HERC4: variants seen among roughly 807,000 people sequenced by gnomAD.
HERC4 encodes the protein HECT and RLD domain containing E3 ubiquitin protein ligase 4, also known as probable E3 ubiquitin-protein ligase HERC4.
In HERC4, 28 loss-of-function variants were observed where a neutral mutation model predicts 124.3. The observed-to-expected ratio is 0.23, with a 90% CI of 0.17 to 0.31. The LOEUF is 0.31. HERC4 is among the 10% of genes least tolerant of loss of function. The pLI is 1.00. For synonymous variants in HERC4, 407 were observed against 421.5 expected, an observed-to-expected ratio of 0.97 and a Z score of 0.42; for missense variants, 713 against 1,229.3, an observed-to-expected ratio of 0.58 and a Z score of 6.28.
rs151270005 is a variant in HERC4 at position 68,022,017 on chromosome 10, G to T, written c.908+3529C>A. Among the ~76,000 whole-genome samples, 5 of 151,998 alleles carry T rather than the reference G, an allele frequency of 3.3e-5. No homozygotes were observed. In the East Asian group the frequency reaches 9.7e-4, roughly 29 times the overall value. ...TACATTAACAATGAACAATTTGGAAGGAAATAAAATTTTATTTAAAACCTA... is the reference window on the plus strand; with the variant it reads ...TACATTAACAATGAACAATTTGGAATGAAATAAAATTTTATTTAAAACCTA... On this transcript the variant is annotated intron_variant, in intron 8 of 24. Coordinates refer to ENST00000373700, the MANE Select transcript of HERC4 (RefSeq NM_015601.4).
At chr10:67,926,788 G>T (rs1374542316) in intron 23 of HERC4, among the ~76,000 whole-genome samples, 1 of 152,196 alleles carries the variant, frequency 6.6e-6, no homozygotes, top group Non-Finnish European at 1.5e-5. Flanking sequence ...GGCGTTCCCA[G>T]ATTCATCTAG....
intron 9 of HERC4, among the ~76,000 whole-genome samples, chr10:68,009,543 T>A (rs1170092984): frequency 6.6e-6 from 1 of 152,224 alleles, no homozygotes; most frequent in African/African-American, 2.4e-5. Flanking sequence ...AGTCTTAAAC[T>A]TTTTGTTGAT....
chr10:67,992,512 T>C lies in HERC4; in HGVS notation c.1146+94A>G, dbSNP rs1336573819. On this transcript the variant is annotated intron_variant, in intron 10 of 24. Coordinates refer to ENST00000373700, the MANE Select transcript of HERC4 (RefSeq NM_015601.4). Reference sequence around the variant, plus strand: ...TTAAGGGGAAAAAAACTAAGGCAATTACTTTGTAACATATAAAGAACATTA... The same window carrying C: ...TTAAGGGGAAAAAAACTAAGGCAATCACTTTGTAACATATAAAGAACATTA... 3.8e-6 allele frequency: 4 copies of C among 1,053,442 alleles called. No homozygotes were observed. In the South Asian group the frequency reaches 6.0e-5, roughly 16 times the overall value. 65.3% of individuals were successfully genotyped at this position (1,053,442 alleles called of 1,614,324 possible).
chr10:67,956,431 A>G (rs2034146438), intron 17 of HERC4: 1 of 152,586 alleles, frequency 6.6e-6, no homozygotes, highest in Non-Finnish European at 1.5e-5. Context: ...TATTATTGAA[A>G]CTTTCTTCAA....
In HERC4 at chr10:67,923,127, C is replaced by T; in HGVS notation, c.2954G>A (p.Gly985Asp). Residue 985 changes from glycine (G) to aspartate (D), a missense_variant, in exon 25 of 25, where the codon GGT becomes GAT. Transcript: ENST00000373700. ...ACCAAGAATAGGAATGCGATCACTA[C>T]CTGTCAAAAATACTGCCAAGAAAGA... ...KKKQFLLFLT[G>D]SDRIPILGMK... 6.2e-7 allele frequency: 1 copy of T among 1,612,236 alleles called. No individual in the cohort carries two copies. Among genetic ancestry groups the T allele is most frequent in the Non-Finnish European group, 8.5e-7 (1 of 1,179,256 alleles).
intron 19 of HERC4, among the ~76,000 whole-genome samples, chr10:67,952,899 C>CA (rs1003721031): frequency 4.7e-5 from 6 of 128,014 alleles, no homozygotes; most frequent in South Asian, 2.5e-4. Context: ...GACTCAGTCT[C>CA]AAAAAAAAAG....
At chr10:68,032,171 A>G (rs1283000030) in intron 7 of HERC4, among the ~76,000 whole-genome samples, 1 of 152,248 alleles carries the variant, frequency 6.6e-6, no homozygotes, top group Non-Finnish European at 1.5e-5. Flanking sequence ...ATAAATAATT[A>G]TCTGGTAAAG....
chr10:67,993,383 G>T, intron 9 of HERC4: 1 of 152,028 alleles, frequency 6.6e-6, no homozygotes, highest in Non-Finnish European at 1.5e-5. Flanking sequence ...CTGGGCTACA[G>T]TGGCACATGT....
chr10:68,018,992 T>C (rs563172544), intron 8 of HERC4, among the ~76,000 whole-genome samples: 1 of 132,404 alleles, frequency 7.6e-6, no homozygotes. Flanking sequence ...AAGCATTCTT[T>C]CTTTTTTTTT....
intron 3 of HERC4, among the ~76,000 whole-genome samples, chr10:68,062,097 C>T (rs1053659371): frequency 1.3e-5 from 2 of 152,010 alleles, no homozygotes; most frequent in Non-Finnish European, 2.9e-5. Flanking sequence ...GTTGGAATGT[C>T]AGCCTATCTG....
intron 16 of HERC4, chr10:67,966,121 G>C (rs1304638645): frequency 2.0e-5 from 3 of 152,698 alleles, no homozygotes; most frequent in African/African-American, 7.2e-5. Context: ...GGGATTACAG[G>C]CATGTGCCAC....
intron 9 of HERC4, among the ~76,000 whole-genome samples, chr10:68,000,295 T>C (rs893002112): frequency 6.6e-6 from 1 of 152,098 alleles, no homozygotes; most frequent in Non-Finnish European, 1.5e-5. Context: ...CTTTGTATAT[T>C]GGGCAAGGCA....
intron 3 of HERC4, among the ~76,000 whole-genome samples, chr10:68,062,554 C>G (rs1275793650): frequency 2.0e-5 from 3 of 151,866 alleles, no homozygotes; most frequent in Non-Finnish European, 4.4e-5. Flanking sequence ...GAGTTCGAGA[C>G]CAGTATGGTC....
rs1192985130 is a variant in HERC4, at chr10:68,059,587, TC to T, written c.226+13295del. On this transcript the variant is annotated intron_variant, in intron 3 of 24. Coordinates refer to ENST00000373700, the MANE Select transcript of HERC4 (RefSeq NM_015601.4). ...ATAATATTATATATCATATTATATA[TC>T]ATATTATATATCATAATATTATATA... is the stretch of plus-strand genomic sequence containing the variant. 8.0e-5 allele frequency among the ~76,000 whole-genome samples: 8 copies of T among 100,428 alleles called. 2 individuals are homozygous for T. Among genetic ancestry groups the T allele is most frequent in the African/African-American group, 3.5e-4 (8 of 22,842 alleles). 65.9% of individuals were successfully genotyped at this position (100,428 alleles called of 152,430 possible). A position where few individuals can be genotyped will look rare whatever the true frequency, so the allele number is the denominator to read the frequency against.
chr10:68,002,931 A>ACTTT (rs1564533504), intron 9 of HERC4, among the ~76,000 whole-genome samples: 1 of 151,962 alleles, frequency 6.6e-6, no homozygotes, highest in African/African-American at 2.4e-5. Context: ...CACAGTAGGT[A>ACTTT]TATATATTTA....
chr10:67,966,430 T>C, intron 16 of HERC4: 1 of 319,160 alleles, frequency 3.1e-6, no homozygotes, highest in East Asian at 7.4e-5. Flanking sequence ...ACTTGTAGGT[T>C]TTTTTTGTCT....
intron 5 of HERC4, 125 bp from the exon 6 acceptor site, chr10:68,034,311 A>G (rs2039350505): frequency 1.5e-6 from 1 of 675,392 alleles, no homozygotes; most frequent in Non-Finnish European, 2.5e-6. Flanking sequence ...CCTATCATCA[A>G]AAGAATATAA....
intron 7 of HERC4, among the ~76,000 whole-genome samples, chr10:68,030,161 C>G (rs1206416187): frequency 1.3e-5 from 2 of 151,766 alleles, no homozygotes; most frequent in Admixed American, 1.3e-4. Context: ...CATATAAGGC[C>G]GGGTGCAGGA....
rs1287812563 is a variant in HERC4 at position 67,927,401 on chromosome 10, TATATATATATATATATATATATATATATA to T, written c.2839-2243_2839-2215del. On this transcript the variant is annotated intron_variant, in intron 23 of 24. Transcript: ENST00000373700. ...CACCATATATATATATATATATATA[TATATATATATATATATATATATATATATA>T]TTTTTTTTTTTTTTTAGATAGAGTC... 3.9e-3 allele frequency among the ~76,000 whole-genome samples: 33 copies of T among 8,414 alleles called. 1 individual carries two copies. Among genetic ancestry groups the T allele is most frequent in the East Asian group, 0.013 (8 of 614 alleles). The allele number at this position is 8,414 out of a possible 152,430, so 5.5% of individuals were successfully genotyped here. A position where few individuals can be genotyped will look rare whatever the true frequency, so the allele number is the denominator to read the frequency against.
Sources: allele counts gnomAD v4.1 joint callset (sites outside exome capture counted in the v4.1 genomes callset), GRCh38; gene constraint gnomAD v4.1.1; transcripts MANE v1.5; gene names NCBI Gene and HGNC (gene_info 2026-07-23, HGNC 2026-07-21).